The following KLRG1 variants were observed in gnomAD, a reference collection of about 807,000 sequenced individuals.
KLRG1 encodes killer cell lectin-like receptor subfamily G member 1.
KLRG1 carries 16 observed loss-of-function variants against 21.8 expected under a neutral mutation model. The ratio of observed to expected loss-of-function variants is 0.73; its 90% confidence interval spans 0.50 to 1.11. The LOEUF (loss-of-function observed/expected upper bound fraction) is 1.11. KLRG1 is among the 50% of genes most tolerant of loss of function. The pLI, the probability that KLRG1 is intolerant of heterozygous loss-of-function variation, is 0.00. For missense variants in KLRG1, 173 were observed against 218.3 expected (o/e 0.79, Z 1.31); for synonymous variants, 69 against 75.9 (o/e 0.91, Z 0.47).
the KLRG1 span, chr12:9,111,456 T>G: frequency 2.0e-5 from 9 of 452,846 alleles, no homozygotes; most frequent in East Asian, 6.3e-4. Context: ...AATGATCTTA[T>G]TTAGAGATGA....
At chr12:9,116,116 G>C in the KLRG1 span, 5 of 431,564 alleles carry the variant, frequency 1.2e-5, no homozygotes, top group East Asian at 5.1e-5. Context: ...TCCCATTCCC[G>C]TAAGAGCTCA....
chr12:8,983,018 CAG>C (rs1448154979), intron 1 of KLRG1, among the ~76,000 whole-genome samples: 2 of 152,156 alleles, frequency 1.3e-5, no homozygotes, highest in Non-Finnish European at 2.9e-5. Flanking sequence ...TTTGGTGCAG[CAG>C]TCCATTTATG....
At chr12:9,080,598 C>A in the KLRG1 span, among the ~76,000 whole-genome samples, 3 of 152,066 alleles carry the variant, frequency 2.0e-5, no homozygotes, top group Non-Finnish European at 4.4e-5. Context: ...GTAAAATTAC[C>A]CACAAAAGGT....
At chr12:8,978,644 CTTTCTT>C (rs1946698686) in intron 1 of KLRG1, among the ~76,000 whole-genome samples, 1 of 17,908 alleles carries the variant, frequency 5.6e-5, no homozygotes, top group Non-Finnish European at 2.2e-4. Context: ...TCTTTCTTTT[CTTTCTT>C]TCTTTCTTTC....
the KLRG1 span, chr12:9,152,349 G>T: frequency 6.7e-7 from 1 of 1,484,260 alleles, no homozygotes; most frequent in East Asian, 2.3e-5. Flanking sequence ...GGTTTTATAC[G>T]TGAAAGAAAG....
chr12:9,073,163 G>A, the KLRG1 span, among the ~76,000 whole-genome samples: 1 of 152,146 alleles, frequency 6.6e-6, no homozygotes, highest in Non-Finnish European at 1.5e-5. Flanking sequence ...CATGTGAATG[G>A]CAATCAGTTA....
At chr12:9,066,875 T>C in the KLRG1 span, 1 of 152,252 alleles carries the variant, frequency 6.6e-6, no homozygotes, top group South Asian at 2.1e-4. Context: ...CCTACGATTG[T>C]CCTCAGACTC....
In KLRG1 at chr12:8,977,428, A is replaced by T. The variant is rs183991528; in HGVS notation, c.-155-14778A>T. On this transcript the variant is annotated intron_variant, in intron 1 of 4. Coordinates refer to the KLRG1 transcript ENST00000539240. ...ACAGGGTTTCACCATGTTAGCCAGG[A>T]TGGTCTCGATCTCCTGACCTTGTGA... Among the ~76,000 whole-genome samples, 13 of 137,220 alleles carry T rather than the reference A, an allele frequency of 9.5e-5. No individual in the cohort carries two copies. The East Asian group carries it at 2.9e-3, about 31-fold the overall frequency. 90.0% of individuals were successfully genotyped at this position (137,220 alleles called of 152,430 possible). A position where few individuals can be genotyped will look rare whatever the true frequency, so the allele number is the denominator to read the frequency against.
At chr12:9,079,695 T>G in the KLRG1 span, 1 of 1,613,778 alleles carries the variant, frequency 6.2e-7, no homozygotes, top group Non-Finnish European at 8.5e-7. Context: ...CTGCTGTGTT[T>G]CATTTAGATA....
chr12:9,064,801 TG>T, the KLRG1 span: 1 of 153,356 alleles, frequency 6.5e-6, no homozygotes, highest in Non-Finnish European at 1.5e-5. This position sits in a 1 kb window ranked among gnomAD's most constrained non-coding sequence, Gnocchi z 4.0. Context: ...AGGCGAGAAG[TG>T]GGAGCGGGGC....
the KLRG1 span, chr12:9,194,170 G>A: frequency 1.2e-6 from 2 of 1,613,836 alleles, no homozygotes; most frequent in Admixed American, 1.7e-5. Flanking sequence ...AGTAATAATT[G>A]GCGTCATTCA....
At chr12:9,111,937 TTG>T in the KLRG1 span, 1 of 696,176 alleles carries the variant, frequency 1.4e-6, no homozygotes, top group South Asian at 1.4e-5. Flanking sequence ...GTAAATTTAA[TTG>T]TGTGACAACT....
rs1308566321 is a variant in KLRG1 at position 9,009,347 on chromosome 12, C to A, written c.459-79C>A. 1.9e-6 allele frequency: 3 copies of A among 1,549,966 alleles called. No individual in the cohort carries two copies. In the African/African-American group the frequency reaches 4.1e-5, roughly 21 times the overall value. On this transcript the variant is annotated intron_variant, in intron 4 of 4. Transcript: ENST00000356986. ...CTGAATAGGGAGACAGAATTTGCTT[C>A]ATTTTTATCCCTTCATGCCTTTCAA...
At chr12:9,074,801 G>T in the KLRG1 span, 3 of 1,586,808 alleles carry the variant, frequency 1.9e-6, no homozygotes, top group South Asian at 2.3e-5. Context: ...ATGAGAAAAA[G>T]ATATTTATAA....
the KLRG1 span, among the ~76,000 whole-genome samples, chr12:9,039,558 C>T: frequency 1.9e-3 from 294 of 152,236 alleles, 1 homozygote; most frequent in African/African-American, 6.9e-3. Context: ...ACATTATTCT[C>T]ATTATCTCAT....
the KLRG1 span, among the ~76,000 whole-genome samples, chr12:9,196,150 A>C: frequency 1.3e-5 from 2 of 152,212 alleles, no homozygotes; most frequent in Non-Finnish European, 2.9e-5. Flanking sequence ...ATAATAATTT[A>C]GTATGTGTCT....
intron 1 of KLRG1, among the ~76,000 whole-genome samples, chr12:8,953,432 G>A (rs1946238572): frequency 6.6e-6 from 1 of 152,226 alleles, no homozygotes. Flanking sequence ...AAGGGTAGGT[G>A]TATATAAAAT....
At chr12:9,191,218 T>C in the KLRG1 span, among the ~76,000 whole-genome samples, 3 of 152,084 alleles carry the variant, frequency 2.0e-5, no homozygotes, top group Non-Finnish European at 4.4e-5. Context: ...ATCAAATAAA[T>C]GTTTTAAAAC....
the KLRG1 span, among the ~76,000 whole-genome samples, chr12:9,130,286 G>A: frequency 6.6e-6 from 1 of 152,168 alleles, no homozygotes; most frequent in Non-Finnish European, 1.5e-5. Flanking sequence ...TCAAGACCAT[G>A]TTTTCAATTC....
Sources: gnomAD v4.1 joint callset for allele counts (sites outside exome capture counted in the v4.1 genomes callset) on GRCh38, gnomAD v4.1.1 for gene constraint, Gnocchi (gnomAD v3.1) non-coding constraint, MANE v1.5 for transcripts, NCBI Gene and HGNC (gene_info 2026-07-23, HGNC 2026-07-21) for gene names.